The following TNS1 variants were observed in gnomAD, a reference collection of about 807,000 sequenced individuals.
The protein encoded by TNS1 is tensin-1.
Under a neutral mutation model 168.6 loss-of-function variants are expected in TNS1, and 62 were observed. The ratio of observed to expected loss-of-function variants is 0.37; its 90% CI spans 0.30 to 0.45. TNS1 has a LOEUF of 0.45. Among genes scored for constraint, TNS1 ranks in the 20% least tolerant of loss-of-function variants. The probability of loss-of-function intolerance (pLI) is 1.00; values close to 1 mark genes in which losing one functional copy is unlikely to be tolerated. For missense variants in TNS1, 2,240 were observed against 2,339.4 expected (o/e 0.96, Z 0.88); for synonymous variants, 934 against 933.2 (o/e 1.00, Z -0.02).
intron 18 of TNS1, chr2:217,849,638 C>T: frequency 1.0e-6 from 1 of 985,040 alleles, no homozygotes; most frequent in Non-Finnish European, 1.2e-6. Flanking sequence ...TCCAAAGCAT[C>T]CTCAGTCCCC....
upstream of TNS1, among the ~76,000 whole-genome samples, chr2:218,003,372 C>G (rs1043492875): frequency 3.3e-5 from 5 of 152,176 alleles, no homozygotes; most frequent in South Asian, 8.3e-4. Flanking sequence ...GATGAACAGA[C>G]AGCCCCAGGC....
Position 217,817,827 on chromosome 2 carries a change from G to T in TNS1, c.4505C>A (p.Ala1502Glu), listed in dbSNP as rs756995677. 1.2e-6 allele frequency: 2 copies of T among 1,614,246 alleles called. No individual in the cohort carries two copies. Among genetic ancestry groups the T allele is most frequent in the Non-Finnish European group, 1.7e-6 (2 of 1,180,036 alleles). ...EKRRMSVGDR[A>E]GSLPNYATIN... ...GGTGGCATAGTTGGGGAGGCTGCCT[G>T]CCCGGTCTCCCACTGACATCCTTCG... Residue 1502 changes from alanine to glutamate, a missense_variant, in exon 24 of 33, where the codon GCA (alanine) becomes GAA (glutamate). Ala to Glu is a moderately radical substitution (Grantham distance 107, BLOSUM62 -1). Coordinates refer to ENST00000682258, the MANE Select transcript of TNS1 (RefSeq NM_001387777.1).
chr2:217,886,805 C>T (rs945367656), intron 12 of TNS1, among the ~76,000 whole-genome samples, 159 bp from the exon 13 acceptor site: 16 of 152,130 alleles, frequency 1.1e-4, no homozygotes, highest in African/African-American at 3.1e-4. Flanking sequence ...CCCTCCCAGA[C>T]ATGCTTGCCT....
intron 18 of TNS1, among the ~76,000 whole-genome samples, chr2:217,872,083 A>G (rs1256352719): frequency 6.6e-6 from 1 of 152,254 alleles, no homozygotes; most frequent in Non-Finnish European, 1.5e-5. Context: ...CTTCTCTGTT[A>G]CTTGCCTCAG....
At chr2:217,896,396 G>A (rs563852006) in intron 8 of TNS1, among the ~76,000 whole-genome samples, 2 of 152,334 alleles carry the variant, frequency 1.3e-5, no homozygotes, top group South Asian at 2.1e-4. Context: ...TGGATCTAGG[G>A]TGGACCCTAA....
intron 3 of TNS1, among the ~76,000 whole-genome samples, chr2:217,929,347 C>T (rs1339970842): frequency 6.6e-6 from 1 of 152,142 alleles, no homozygotes; most frequent in Non-Finnish European, 1.5e-5. Context: ...CACACTAGGC[C>T]GGACTTCTTA....
intron 19 of TNS1, chr2:217,842,201 T>G: frequency 2.9e-6 from 2 of 694,962 alleles, no homozygotes. Context: ...TGCCCAGTGC[T>G]ATGCTTAATC....
In TNS1 at chr2:217,890,988, C is replaced by A; in HGVS notation, c.840G>T (p.Val280=). The change falls in exon 12 of 33, where the codon GTG becomes GTT. Residue 280 remains valine, a synonymous_variant. Transcript: ENST00000682258. ...AMKRFYEDKI[V]PIGQPSQRRY... The stretch of plus-strand genomic sequence containing the variant: ...TTCTTTGGGATGGCTGGCCAATGGG[C>A]ACAATCTTATCCTCATAGAACCGCT... The A allele has an allele frequency of 6.2e-7, 1 of 1,614,224 alleles. No individual in the cohort carries two copies.
At chr2:217,980,508 G>C (rs769060195) in intron 2 of TNS1, among the ~76,000 whole-genome samples, 1,339 of 37,986 alleles carry the variant, frequency 0.035, 13 homozygotes, top group Non-Finnish European at 0.044. Context: ...CACACACACA[G>C]AGAGAGAGAG....
intron 18 of TNS1, among the ~76,000 whole-genome samples, chr2:217,858,324 C>G (rs890902280): frequency 6.6e-6 from 1 of 152,084 alleles, no homozygotes. Context: ...GACAGCAGCA[C>G]AGCGGGCCAC....
chr2:217,831,468 C>T lies in TNS1; in HGVS notation c.3360G>A (p.Leu1120=). The T allele has an allele frequency of 6.3e-7, 1 of 1,588,352 alleles. No individual in the cohort carries two copies. The highest frequency in any genetic ancestry group is 8.6e-7 in the Non-Finnish European group (1 of 1,167,788). The change falls in exon 22 of 33, where the codon TTG becomes TTA. Residue 1120 remains leucine (L), a synonymous_variant. Transcript: ENST00000682258. ...TTCCCAACTCACCTCCTGTGGGGTGCAACAGGATGTCCGCTGGGTTGTGAG... is the reference window on the plus strand; with the variant it reads ...TTCCCAACTCACCTCCTGTGGGGTGTAACAGGATGTCCGCTGGGTTGTGAG... The part of the protein sequence containing the change: ...LKPHNPADIL[L]HPTGEPRSYV...
At chr2:217,830,553 A>G (rs1321912150) in intron 22 of TNS1, among the ~76,000 whole-genome samples, 1 of 152,106 alleles carries the variant, frequency 6.6e-6, no homozygotes, top group Non-Finnish European at 1.5e-5. Context: ...AAATGGGAGG[A>G]GGAGGTAGGA....
intron 21 of TNS1, among the ~76,000 whole-genome samples, chr2:217,833,829 A>T (rs1944803694): frequency 6.6e-6 from 1 of 152,258 alleles, no homozygotes; most frequent in Non-Finnish European, 1.5e-5. Context: ...TACATTGATT[A>T]TACGTTGAAA....
chr2:217,831,398 C>T lies in TNS1; in HGVS notation c.3373+57G>A, dbSNP rs372370961. 3.0e-5 allele frequency: 44 copies of T among 1,448,176 alleles called. No homozygotes were observed. In the East Asian group the frequency reaches 7.8e-4, roughly 26 times the overall value. The allele number at this position is 1,448,176 out of a possible 1,614,324, so 89.7% of individuals were successfully genotyped here. A position where few individuals can be genotyped will look rare whatever the true frequency, so the allele number is the denominator to read the frequency against. Reference sequence around the variant, plus strand: ...CTGAGACCCGGGTTTCTGTCCAGAACCACAGGAGTCCTCCTCCCCCTGGCC... The same window carrying T: ...CTGAGACCCGGGTTTCTGTCCAGAATCACAGGAGTCCTCCTCCCCCTGGCC... On this transcript the variant is annotated intron_variant, in intron 22 of 32. Transcript: ENST00000682258.
intron 19 of TNS1, among the ~76,000 whole-genome samples, chr2:217,844,201 T>C (rs1946352147): frequency 1.3e-5 from 2 of 152,144 alleles, no homozygotes; most frequent in East Asian, 1.9e-4. Context: ...TTCATTTGCA[T>C]TCCTATGGTC....
chr2:217,811,553 G>T (rs1940908787), intron 28 of TNS1, among the ~76,000 whole-genome samples: 1 of 152,162 alleles, frequency 6.6e-6, no homozygotes, highest in South Asian at 2.1e-4. Context: ...CGCTTCTGAA[G>T]GTCCTATTGT....
chr2:217,866,851 C>G (rs1179851919), intron 18 of TNS1, among the ~76,000 whole-genome samples: 1 of 152,208 alleles, frequency 6.6e-6, no homozygotes. Context: ...TTGGGCAGAG[C>G]TGGACAGGCA....
chr2:217,815,689 T>C (rs1559154597), intron 24 of TNS1, among the ~76,000 whole-genome samples: 1 of 152,160 alleles, frequency 6.6e-6, no homozygotes. Context: ...ACTAAAGCCT[T>C]CCTACAGCTT....
Position 217,906,831 on chromosome 2 carries a change from T to C in TNS1, c.270+379A>G, listed in dbSNP as rs1004631623. On this transcript the variant is annotated intron_variant, in intron 5 of 32. Transcript: ENST00000682258. ...CCTCCCTTCATCTTCCGCATAGCCT[T>C]GAGGAAACTGTCCAACTCTCAGCTA... Among the ~76,000 whole-genome samples, 45 of 152,304 alleles carry C rather than the reference T, an allele frequency of 3.0e-4. 1 individual carries two copies. The highest frequency in any genetic ancestry group is 1.1e-3 in the African/African-American group (45 of 41,568).
Sources: allele counts gnomAD v4.1 joint callset (sites outside exome capture counted in the v4.1 genomes callset), GRCh38; gene constraint gnomAD v4.1.1; transcripts MANE v1.5; gene names NCBI Gene and HGNC (gene_info 2026-07-23, HGNC 2026-07-21).